COL5A2: variants seen among roughly 807,000 people sequenced by gnomAD.
COL5A2 encodes collagen type V alpha 2 chain.
COL5A2 carries 23 observed loss-of-function variants against 208.2 expected under a neutral mutation model. That is an observed-to-expected ratio of 0.11 (90% CI 0.08 to 0.16). The LOEUF is 0.16. Among genes scored for constraint, COL5A2 ranks in the 10% least tolerant of loss-of-function variants. COL5A2 has a pLI of 1.00. For missense variants in COL5A2, 1,590 were observed against 1,956.4 expected, an observed-to-expected ratio of 0.81 and a Z score of 3.53; for synonymous variants, 625 against 628.5, an observed-to-expected ratio of 0.99 and a Z score of 0.08.
At chr2:189,135,081 C>A (rs377624985) in intron 1 of COL5A2, among the ~76,000 whole-genome samples, 1 of 152,146 alleles carries the variant, frequency 6.6e-6, no homozygotes, top group Non-Finnish European at 1.5e-5. Flanking sequence ...ATTCAAGTCA[C>A]AACTTTTCTT....
the COL5A2 span, among the ~76,000 whole-genome samples, chr2:189,308,496 A>G: frequency 2.0e-5 from 3 of 151,956 alleles, no homozygotes; most frequent in East Asian, 1.9e-4. Context: ...GAGGGAAAAT[A>G]CACTTTTTGT....
chr2:189,116,907 T>C (rs2105727055), intron 1 of COL5A2, among the ~76,000 whole-genome samples: 1 of 152,310 alleles, frequency 6.6e-6, no homozygotes, highest in African/African-American at 2.4e-5. Context: ...AGATGACTCA[T>C]AGAAAGCTTC....
the COL5A2 span, among the ~76,000 whole-genome samples, chr2:189,309,156 A>C: frequency 1.3e-5 from 2 of 152,200 alleles, no homozygotes; most frequent in Non-Finnish European, 2.9e-5. Flanking sequence ...ATGTCAGGCA[A>C]GTATCAGGTG....
intron 1 of COL5A2, among the ~76,000 whole-genome samples, chr2:189,166,010 T>G (rs1014482589): frequency 1.3e-5 from 2 of 151,802 alleles, no homozygotes; most frequent in African/African-American, 4.8e-5. Flanking sequence ...AATAGAAGAG[T>G]CAAAGAACAT....
intron 1 of COL5A2, among the ~76,000 whole-genome samples, chr2:189,139,944 G>A (rs891828214): frequency 3.9e-5 from 6 of 151,900 alleles, no homozygotes; most frequent in South Asian, 2.1e-4. Context: ...ATGGTGGCGC[G>A]CACCTGTAGT....
the COL5A2 span, among the ~76,000 whole-genome samples, chr2:189,343,331 GTTCTTA>G: frequency 6.6e-6 from 1 of 151,926 alleles, no homozygotes; most frequent in Non-Finnish European, 1.5e-5. Flanking sequence ...GTTAACTACA[GTTCTTA>G]TTCTTAGTAA....
chr2:189,273,055 T>C, the COL5A2 span, among the ~76,000 whole-genome samples: 18 of 152,148 alleles, frequency 1.2e-4, no homozygotes, highest in Non-Finnish European at 2.6e-4. Context: ...TCAAACTAGA[T>C]AGATCAAAAC....
At chr2:189,178,450 G>A (rs1298841327) in intron 1 of COL5A2, among the ~76,000 whole-genome samples, 1 of 151,864 alleles carries the variant, frequency 6.6e-6, no homozygotes, top group East Asian at 1.9e-4. Context: ...GTTAATGAAT[G>A]TCCAAAGTTT....
chr2:189,179,664 T>C lies in COL5A2; in HGVS notation c.-60A>G, dbSNP rs186934715. On this transcript the variant is annotated 5_prime_UTR_variant, in exon 1 of 54. Transcript: ENST00000374866. ...TGAAAAGTAGATTCTGAGGTTATTG[T>C]AGCACCATGAAGTCAGCTGTGGGCT... 7.8e-5 allele frequency: 121 copies of C among 1,555,274 alleles called. No individual in the cohort carries two copies. The African/African-American group carries it at 1.4e-3, about 17-fold the overall frequency.
intron 2 of COL5A2, among the ~76,000 whole-genome samples, chr2:189,106,036 T>G (rs988512778): frequency 6.6e-6 from 1 of 151,484 alleles, no homozygotes; most frequent in Non-Finnish European, 1.5e-5. Flanking sequence ...TGAATCCTTT[T>G]TAAAATCTTG....
chr2:189,289,012 C>T, the COL5A2 span, among the ~76,000 whole-genome samples: 4 of 152,130 alleles, frequency 2.6e-5, no homozygotes, highest in East Asian at 3.9e-4. Context: ...ATATCCATTT[C>T]GCTGAAAGTT....
chr2:189,402,790 T>TAGTAC, the COL5A2 span, among the ~76,000 whole-genome samples: 1 of 151,738 alleles, frequency 6.6e-6, no homozygotes, highest in Non-Finnish European at 1.5e-5. Context: ...CTTTTGGCTA[T>TAGTAC]AGTATAGTAT....
intron 26 of COL5A2, 88 bp downstream of exon 26, chr2:189,063,892 C>A: frequency 1.9e-6 from 2 of 1,070,158 alleles, no homozygotes; most frequent in South Asian, 1.4e-5. Flanking sequence ...TCCATATAAT[C>A]AAAAACATTA....
At chr2:189,421,892 C>A in the COL5A2 span, among the ~76,000 whole-genome samples, 1 of 152,178 alleles carries the variant, frequency 6.6e-6, no homozygotes, top group Non-Finnish European at 1.5e-5. Flanking sequence ...TCAGTAACCA[C>A]AAGATTCCAG....
At chr2:189,115,742 T>C (rs1399760571) in intron 1 of COL5A2, among the ~76,000 whole-genome samples, 4 of 152,352 alleles carry the variant, frequency 2.6e-5, no homozygotes, top group African/African-American at 9.6e-5. Flanking sequence ...TTTAATGTTA[T>C]ATAATCCGTC....
chr2:189,159,806 T>A (rs763792871), intron 1 of COL5A2, among the ~76,000 whole-genome samples: 23 of 152,052 alleles, frequency 1.5e-4, no homozygotes, highest in Non-Finnish European at 2.5e-4. Context: ...AGAATCACTT[T>A]AACCCAAGAG....
chr2:189,063,211 C>A lies in COL5A2; in HGVS notation c.1830G>T (p.Gln610His). 1 of 1,614,226 alleles carries A rather than the reference C, an allele frequency of 6.2e-7. No individual in the cohort carries two copies. Among genetic ancestry groups the A allele is most frequent in the Non-Finnish European group, 8.5e-7 (1 of 1,180,048 alleles). Residue 610 changes from glutamine (Q) to histidine (H), a missense_variant, in exon 27 of 54, where the codon CAG becomes CAT. Gln to His is a conservative substitution (Grantham distance 24, BLOSUM62 0). Transcript: ENST00000374866. ...GPPGSIGIRG[Q>H]PGSMGLPGPK... ...GGCCTGGAAGGCCCATGCTCCCGGGCTGCCCTCTGATTCCTATGGAGCCTG... is the reference window on the plus strand; with the variant it reads ...GGCCTGGAAGGCCCATGCTCCCGGGATGCCCTCTGATTCCTATGGAGCCTG...
At chr2:189,270,141 T>C in the COL5A2 span, among the ~76,000 whole-genome samples, 14 of 152,296 alleles carry the variant, frequency 9.2e-5, no homozygotes, top group African/African-American at 3.4e-4. Flanking sequence ...TTTATTAGTC[T>C]GGCTGGCATT....
At chr2:189,045,726 T>G (rs974101130) in intron 46 of COL5A2, 74 bp downstream of exon 46, 15 of 1,104,756 alleles carry the variant, frequency 1.4e-5, no homozygotes, top group Admixed American at 1.7e-5. Context: ...ACTATGTGTG[T>G]GTGCCTATAT....
Sources: allele counts gnomAD v4.1 joint callset (sites outside exome capture counted in the v4.1 genomes callset), GRCh38; gene constraint gnomAD v4.1.1; transcripts MANE v1.5; gene names NCBI Gene and HGNC (gene_info 2026-07-23, HGNC 2026-07-21).